Variants in PIK3C2G observed in about 807,000 individuals in gnomAD.
PIK3C2G encodes phosphatidylinositol 3-kinase C2 domain-containing subunit gamma.
In PIK3C2G, 168 loss-of-function variants were observed where a neutral mutation model predicts 181.1. That is an observed-to-expected ratio of 0.93 (90% CI 0.82 to 1.05). The LOEUF is 1.05. Among genes scored for constraint, PIK3C2G ranks in the 50% least tolerant of loss-of-function variants. The pLI, the probability that PIK3C2G is intolerant of heterozygous loss-of-function variation, is 0.00. For synonymous variants in PIK3C2G, 573 were observed against 592.2 expected, an observed-to-expected ratio of 0.97 and a Z score of 0.47; for missense variants, 1,869 against 1,732.8, an observed-to-expected ratio of 1.08 and a Z score of -1.40.
At chr12:18,354,921 C>T (rs1940584558) in intron 11 of PIK3C2G, among the ~76,000 whole-genome samples, 1 of 152,172 alleles carries the variant, frequency 6.6e-6, no homozygotes, top group Admixed American at 6.5e-5. Context: ...GGTGACCTTA[C>T]ACAGATGCCA....
In PIK3C2G at chr12:18,563,506, A is replaced by G; in HGVS notation, c.3902+8A>G. ...ATCACTGACTCTCCCAGAGTAAGGC[A>G]CTGTCCTTTTACATTGTTTTGCCTT... On this transcript the variant is annotated splice_region_variant and intron_variant, in intron 28 of 32. Coordinates refer to ENST00000538779, the MANE Select transcript of PIK3C2G (RefSeq NM_001288772.2). The G allele has an allele frequency of 3.7e-6, 6 of 1,613,392 alleles. No homozygotes were observed. The highest frequency in any genetic ancestry group is 5.1e-6 in the Non-Finnish European group (6 of 1,179,618).
chr12:18,584,816 G>C (rs865812771), intron 29 of PIK3C2G, among the ~76,000 whole-genome samples: 73 of 151,888 alleles, frequency 4.8e-4, no homozygotes, highest in African/African-American at 1.7e-3. Flanking sequence ...ACCTACAAAG[G>C]GAACACCATC....
intron 11 of PIK3C2G, among the ~76,000 whole-genome samples, chr12:18,347,636 C>A (rs1423752986): frequency 6.6e-6 from 1 of 151,896 alleles, no homozygotes; most frequent in East Asian, 1.9e-4. Flanking sequence ...ATGGTGAAAC[C>A]CCGTCTCTAC....
At chr12:18,499,886 C>T (rs902512922) in intron 22 of PIK3C2G, among the ~76,000 whole-genome samples, 3 of 152,212 alleles carry the variant, frequency 2.0e-5, no homozygotes, top group Non-Finnish European at 4.4e-5. Context: ...TCAGGCCGCA[C>T]GCCTGCCATA....
chr12:18,464,941 T>C (rs1227038492), intron 18 of PIK3C2G, among the ~76,000 whole-genome samples: 1 of 152,034 alleles, frequency 6.6e-6, no homozygotes, highest in Non-Finnish European at 1.5e-5. Flanking sequence ...TTCTGTTTCT[T>C]TACCCTTTCC....
intron 8 of PIK3C2G, among the ~76,000 whole-genome samples, chr12:18,326,460 C>T (rs1335962464): frequency 6.6e-6 from 1 of 152,100 alleles, no homozygotes; most frequent in Non-Finnish European, 1.5e-5. Flanking sequence ...TCAATAAACA[C>T]TAAATATATC....
At chr12:18,661,796 C>T in the PIK3C2G span, among the ~76,000 whole-genome samples, 1 of 151,874 alleles carries the variant, frequency 6.6e-6, no homozygotes, top group Non-Finnish European at 1.5e-5. Context: ...GGATACACAC[C>T]CAAAGGAATA....
At chr12:18,474,874 G>T (rs190798181) in intron 18 of PIK3C2G, among the ~76,000 whole-genome samples, 2 of 151,546 alleles carry the variant, frequency 1.3e-5, no homozygotes, top group South Asian at 2.1e-4. Flanking sequence ...CCTTTTTTCC[G>T]ATCAGAAAAA....
At position 18,282,247 on chromosome 12, in the gene PIK3C2G, A is replaced by T; in HGVS notation, c.166A>T (p.Ser56Cys). The change falls in exon 2 of 33, where the codon AGT (serine) becomes TGT (cysteine). Residue 56 changes from serine to cysteine, a missense_variant. Transcript: ENST00000538779. The part of the protein sequence containing the change: ...EISGKIPHYE[S>C]EIDENTFFVP... ...CAGTGGCAAAATTCCACACTACGAG[A>T]GTGAAATTGATGAAAACACCTTTTT... is the stretch of plus-strand genomic sequence containing the variant. The T allele has an allele frequency of 6.2e-7, 1 of 1,613,686 alleles. No homozygotes were observed. Among genetic ancestry groups the T allele is most frequent in the Non-Finnish European group, 8.5e-7 (1 of 1,179,724 alleles).
intron 26 of PIK3C2G, among the ~76,000 whole-genome samples, chr12:18,554,384 T>C (rs1041451904): frequency 6.6e-6 from 1 of 152,078 alleles, no homozygotes; most frequent in Admixed American, 6.6e-5. Flanking sequence ...TACCACGCTA[T>C]CAAAGCCCCA....
At chr12:18,310,025 T>G (rs1428065969) in intron 5 of PIK3C2G, among the ~76,000 whole-genome samples, 2 of 151,844 alleles carry the variant, frequency 1.3e-5, no homozygotes, top group African/African-American at 4.8e-5. Flanking sequence ...AGAAAGAAAG[T>G]CAGTGTTTCT....
chr12:18,267,142 G>A (rs1434505685), intron 1 of PIK3C2G, among the ~76,000 whole-genome samples: 1 of 151,808 alleles, frequency 6.6e-6, no homozygotes, highest in African/African-American at 2.4e-5. Context: ...TGTATTCATA[G>A]TATTTCTCAA....
At position 18,282,304 on chromosome 12, in the gene PIK3C2G, G is replaced by T; in HGVS notation, c.223G>T (p.Gly75Trp). Reference protein sequence around the residue: ...VPTAPKWDSTGHSLNEAHQIS... With the variant: ...VPTAPKWDSTWHSLNEAHQIS... ...CACTGCACCAAAATGGGACTCAACA[G>T]GGCATTCATTAAATGAAGCACACCA... Residue 75 changes from glycine to tryptophan, a missense_variant, in exon 2 of 33, where the codon GGG becomes TGG. Transcript: ENST00000538779. The T allele has an allele frequency of 6.2e-7, 1 of 1,613,176 alleles. No homozygotes were observed. The highest frequency in any genetic ancestry group is 2.2e-5 in the East Asian group (1 of 44,864).
intron 31 of PIK3C2G, among the ~76,000 whole-genome samples, chr12:18,613,190 T>A (rs79395221): frequency 0.02 from 2,972 of 152,204 alleles, 82 homozygotes; most frequent in African/African-American, 0.067. Context: ...TTTTTTCTAG[T>A]CTGTGTAGTT....
At chr12:18,557,548 C>G (rs1178141308) in intron 26 of PIK3C2G, among the ~76,000 whole-genome samples, 1 of 151,986 alleles carries the variant, frequency 6.6e-6, no homozygotes, top group Non-Finnish European at 1.5e-5. Context: ...TAACAGTAAA[C>G]ATTGAAAGTT....
the PIK3C2G span, among the ~76,000 whole-genome samples, chr12:18,716,609 T>C: frequency 1.3e-5 from 2 of 152,216 alleles, no homozygotes; most frequent in African/African-American, 2.4e-5. Flanking sequence ...GTTTCTCTCT[T>C]GACTTCGGCT....
At chr12:18,311,994 G>C (rs1950657135) in intron 5 of PIK3C2G, among the ~76,000 whole-genome samples, 1 of 152,150 alleles carries the variant, frequency 6.6e-6, no homozygotes, top group Non-Finnish European at 1.5e-5. Flanking sequence ...TCCAGCATGG[G>C]AGAAAGATGT....
intron 18 of PIK3C2G, among the ~76,000 whole-genome samples, chr12:18,485,250 G>A (rs563480549): frequency 3.3e-5 from 5 of 152,276 alleles, no homozygotes; most frequent in African/African-American, 1.2e-4. Flanking sequence ...TGAACTATCT[G>A]TACTTTTCCT....
the PIK3C2G span, among the ~76,000 whole-genome samples, chr12:18,670,801 A>G: frequency 4.9e-3 from 748 of 152,324 alleles, 7 homozygotes; most frequent in African/African-American, 0.017. Context: ...CAATGTTTAC[A>G]TTGTCATGAA....
Sources: gnomAD v4.1 joint callset for allele counts (sites outside exome capture counted in the v4.1 genomes callset) on GRCh38, gnomAD v4.1.1 for gene constraint, MANE v1.5 for transcripts, NCBI Gene and HGNC (gene_info 2026-07-23, HGNC 2026-07-21) for gene names.